TJP1: variants seen among roughly 807,000 people sequenced by gnomAD.
The protein encoded by TJP1 is tight junction protein ZO-1.
A neutral mutation model predicts 194.2 loss-of-function variants in TJP1; 43 were observed. The observed-to-expected ratio is 0.22, with a 90% CI of 0.17 to 0.29. TJP1 has a LOEUF of 0.29. Ranked by LOEUF, TJP1 falls within the 10% of genes least tolerant of loss-of-function variation. The pLI, the probability that TJP1 is intolerant of heterozygous loss-of-function variation, is 1.00. For synonymous variants in TJP1, 801 were observed against 779.0 expected (o/e 1.03, Z -0.47); for missense variants, 1,971 against 2,185.7 (o/e 0.90, Z 1.96).
intron 2 of TJP1, among the ~76,000 whole-genome samples, chr15:29,830,474 AATAT>A (rs939939115): frequency 3.3e-5 from 5 of 150,436 alleles, no homozygotes; most frequent in African/African-American, 4.9e-5. Flanking sequence ...GCTACATATA[AATAT>A]ATAAGAATTT....
At chr15:29,750,090 C>G (rs1320962971) in intron 8 of TJP1, among the ~76,000 whole-genome samples, 2 of 151,870 alleles carry the variant, frequency 1.3e-5, no homozygotes, top group Non-Finnish European at 2.9e-5. Context: ...TCACTGCAAG[C>G]TCCGCCTCCC....
At chr15:29,786,371 A>C (rs2047700284) in intron 2 of TJP1, among the ~76,000 whole-genome samples, 2 of 152,182 alleles carry the variant, frequency 1.3e-5, no homozygotes, top group African/African-American at 4.8e-5. Flanking sequence ...CAATGTTCTA[A>C]ACAAACATTG....
rs1415945937 is a variant in TJP1 at position 29,772,094 on chromosome 15, T to C, written c.282A>G (p.Gln94=). The C allele has an allele frequency of 5.6e-6, 9 of 1,602,400 alleles. No individual in the cohort carries two copies. Among genetic ancestry groups the C allele is most frequent in the Non-Finnish European group, 7.7e-6 (9 of 1,176,370 alleles). ...DNVEHAFAVQ[Q]LRKSGKNAKI... ...TTGCATTTTTCCCACTTTTCCTTAG[T>C]TGCTGAACAGCAAAAGCATGTTCAA... is the stretch of plus-strand genomic sequence containing the variant. The change falls in exon 4 of 28, where the codon CAA becomes CAG. Residue 94 remains glutamine (Q), a synonymous_variant. Transcript: ENST00000614355.
intron 2 of TJP1, among the ~76,000 whole-genome samples, chr15:29,835,660 A>AC (rs397748190): frequency 3.3e-5 from 5 of 151,764 alleles, no homozygotes; most frequent in Admixed American, 2.6e-4. Context: ...CAAAAAAAAA[A>AC]CAAAAAGCAC....
intron 2 of TJP1, among the ~76,000 whole-genome samples, chr15:29,867,810 T>C (rs1305762395): frequency 6.6e-6 from 1 of 152,054 alleles, no homozygotes; most frequent in Admixed American, 6.6e-5. Context: ...AATTCCAGCA[T>C]TTTGAGAGGC....
intron 1 of TJP1, among the ~76,000 whole-genome samples, chr15:29,963,778 C>T (rs1470908138): frequency 2.6e-5 from 4 of 152,246 alleles, no homozygotes; most frequent in South Asian, 4.1e-4. Context: ...CTCAGCCTCC[C>T]GAGCAGCTGG....
chr15:29,822,507 C>T (rs1036240440), upstream of TJP1: 101 of 982,422 alleles, frequency 1.0e-4, no homozygotes, highest in Admixed American at 1.9e-4. Flanking sequence ...ATGCCCGGCC[C>T]GGCGGGGGCG....
chr15:29,795,438 C>G (rs529363117), intron 2 of TJP1, among the ~76,000 whole-genome samples: 5 of 150,112 alleles, frequency 3.3e-5, no homozygotes, highest in Non-Finnish European at 5.9e-5. Context: ...AAAAGACTAC[C>G]AAAAAACAAA....
chr15:29,795,416 CAA>C (rs1221313122), intron 2 of TJP1, among the ~76,000 whole-genome samples: 17 of 100,738 alleles, frequency 1.7e-4, no homozygotes, highest in Admixed American at 2.2e-4. Context: ...GACTCTGTCT[CAA>C]AAAAAAAAAA....
At position 29,911,131 on chromosome 15, in the gene TJP1, C is replaced by G. The variant is rs574496105; in HGVS notation, c.306+45101G>C. Among the ~76,000 whole-genome samples, 3 of 152,314 alleles carry G rather than the reference C, an allele frequency of 2.0e-5. No individual in the cohort carries two copies. In the South Asian group the frequency reaches 6.2e-4, roughly 32 times the overall value. ...AATACATTTACCTGCATTGGTATCT[C>G]TCATGAAACCTACTCAAATGCAGTC... is the stretch of plus-strand genomic sequence containing the variant. On this transcript the variant is annotated intron_variant, in intron 2 of 28. Coordinates refer to the TJP1 transcript ENST00000356107.
intron 2 of TJP1, among the ~76,000 whole-genome samples, chr15:29,859,660 T>G (rs2076813405): frequency 6.6e-6 from 1 of 152,030 alleles, no homozygotes; most frequent in South Asian, 2.1e-4. Flanking sequence ...CTGGAGGAAG[T>G]AAATAGGGGT....
chr15:29,713,781 A>C (rs2042386363), intron 23 of TJP1, among the ~76,000 whole-genome samples: 1 of 152,194 alleles, frequency 6.6e-6, no homozygotes, highest in African/African-American at 2.4e-5. Context: ...TAACCATTAA[A>C]TACCTATATG....
chr15:29,741,358 T>C lies in TJP1; in HGVS notation c.1229A>G (p.Asn410Ser), dbSNP rs978541147. 2 of 1,593,796 alleles carry C rather than the reference T, an allele frequency of 1.3e-6. No individual in the cohort carries two copies. Among genetic ancestry groups the C allele is most frequent in the African/African-American group, 2.7e-5 (2 of 73,484 alleles). ...AAGAATCCCATCTTCATGAGTTGAATTAGGTAGGACACCATCAGATGGACT... is the reference window on the plus strand; with the variant it reads ...AAGAATCCCATCTTCATGAGTTGAACTAGGTAGGACACCATCAGATGGACT... ...PVSPSDGVLP[N>S]STHEDGILRP... Residue 410 changes from asparagine to serine, a missense_variant, in exon 10 of 28, where the codon AAT (asparagine) becomes AGT (serine). Transcript: ENST00000614355.
intron 2 of TJP1, among the ~76,000 whole-genome samples, chr15:29,939,263 G>A (rs577806815): frequency 1.2e-3 from 179 of 152,196 alleles, no homozygotes; most frequent in African/African-American, 4.1e-3. Context: ...CATGACATAC[G>A]ATCTTTTAGT....
At chr15:29,949,543 CACCTCCACA>C (rs1596310673) in intron 2 of TJP1, among the ~76,000 whole-genome samples, 10 of 144,932 alleles carry the variant, frequency 6.9e-5, no homozygotes, top group East Asian at 4.2e-4. Context: ...CCACCACCAC[CACCTCCACA>C]ACCACCACCT....
chr15:29,860,486 G>A (rs2052035716), intron 2 of TJP1, among the ~76,000 whole-genome samples: 1 of 152,044 alleles, frequency 6.6e-6, no homozygotes, highest in Non-Finnish European at 1.5e-5. Context: ...CTACAAATTT[G>A]CTCATTCTGA....
At chr15:29,782,854 C>A (rs1474645657) in intron 2 of TJP1, among the ~76,000 whole-genome samples, 1 of 150,206 alleles carries the variant, frequency 6.7e-6, no homozygotes, top group Non-Finnish European at 1.5e-5. Context: ...AAAAACAACC[C>A]CCATTAGAAA....
At chr15:29,881,594 T>C (rs190828597) in intron 2 of TJP1, among the ~76,000 whole-genome samples, 157 of 152,336 alleles carry the variant, frequency 1.0e-3, no homozygotes, top group African/African-American at 3.7e-3. Flanking sequence ...TAATATTAAC[T>C]GAATGTGACA....
Position 29,845,114 on chromosome 15 carries a change from TCAAA to T in TJP1, c.307-44416_307-44413del, listed in dbSNP as rs1485221993. Among the ~76,000 whole-genome samples, 7 of 152,310 alleles carry T rather than the reference TCAAA, an allele frequency of 4.6e-5. No individual in the cohort carries two copies. In the East Asian group the frequency reaches 5.8e-4, roughly 13 times the overall value. ...GACCAAAATGGATACTCCCAAGCCC[TCAAA>T]CAAAGTATGCTAAAGCAGTTTTTAA... On this transcript the variant is annotated intron_variant, in intron 2 of 28. Transcript: ENST00000356107.
Sources: allele counts gnomAD v4.1 joint callset (sites outside exome capture counted in the v4.1 genomes callset), GRCh38; gene constraint gnomAD v4.1.1; transcripts MANE v1.5; gene names NCBI Gene and HGNC (gene_info 2026-07-23, HGNC 2026-07-21).